ATXN10: variants seen among roughly 807,000 people sequenced by gnomAD.
ATXN10 encodes the protein ataxin-10.
A neutral mutation model predicts 52.9 loss-of-function variants in ATXN10; 28 were observed. The ratio of observed to expected loss-of-function variants is 0.53; its 90% CI spans 0.39 to 0.73. The LOEUF is 0.73. Ranked by LOEUF, ATXN10 falls within the 30% of genes least tolerant of loss-of-function variation. The pLI is 0.00. For synonymous variants in ATXN10, 226 were observed against 221.5 expected (o/e 1.02, Z -0.18); for missense variants, 565 against 577.0 (o/e 0.98, Z 0.21).
chr22:45,798,210 C>CT lies in ATXN10; in HGVS notation c.1174-8747dup, dbSNP rs1411995645. Among the ~76,000 whole-genome samples the CT allele has an allele frequency of 3.9e-5, 6 of 152,278 alleles. No individual in the cohort carries two copies. In the East Asian group the frequency reaches 1.2e-3, roughly 29 times the overall value. Reference sequence around the variant, plus strand: ...TCTGTTCCCAAATCCGGACAAAAACCTTAAAAGGGAACAAACAAAGTAACT... The same window carrying CT: ...TCTGTTCCCAAATCCGGACAAAAACCTTTAAAAGGGAACAAACAAAGTAACT... On this transcript the variant is annotated intron_variant, in intron 9 of 11. Transcript: ENST00000252934.
rs539182267 is a variant in ATXN10 at position 45,799,144 on chromosome 22, C to T, written c.1174-7815C>T. The stretch of plus-strand genomic sequence containing the variant: ...TACTCAGGCTGGTGTGATCTCAGCT[C>T]ACTGCAACCCCCGCCTCCCGGGTTC... On this transcript the variant is annotated intron_variant, in intron 9 of 11. Transcript: ENST00000252934. Among the ~76,000 whole-genome samples the T allele has an allele frequency of 2.6e-5, 4 of 151,710 alleles. No individual in the cohort carries two copies. In the East Asian group the frequency reaches 7.8e-4, roughly 29 times the overall value.
chr22:45,709,523 T>G lies in ATXN10; in HGVS notation c.647+6676T>G, dbSNP rs564439494. Among the ~76,000 whole-genome samples the G allele has an allele frequency of 6.6e-5, 10 of 152,310 alleles. No individual in the cohort carries two copies. In the South Asian group the frequency reaches 1.7e-3, roughly 25 times the overall value. ...TTTTTCTCCTGTGCTGGCTTTGTTG[T>G]AAGGCACATTTCCTGCTTCCTGTGT... On this transcript the variant is annotated intron_variant, in intron 5 of 11. Coordinates refer to ENST00000252934, the MANE Select transcript of ATXN10 (RefSeq NM_013236.4).
intron 3 of ATXN10, among the ~76,000 whole-genome samples, chr22:45,695,994 G>A (rs1923591828): frequency 6.6e-6 from 1 of 152,052 alleles, no homozygotes; most frequent in South Asian, 2.1e-4. Flanking sequence ...CTTGCTATTT[G>A]ATTTTGAAGT....
At chr22:45,697,538 C>T (rs1484677399) in intron 3 of ATXN10, among the ~76,000 whole-genome samples, 1 of 152,210 alleles carries the variant, frequency 6.6e-6, no homozygotes, top group Non-Finnish European at 1.5e-5. Flanking sequence ...CTCTGTAGAT[C>T]TACCTACTCT....
rs1928740614 is a variant in ATXN10 at position 45,824,068 on chromosome 22, T to C, written c.1237+17046T>C. Among the ~76,000 whole-genome samples, 1 of 152,202 alleles carries C rather than the reference T, an allele frequency of 6.6e-6. No individual in the cohort carries two copies. Among genetic ancestry groups the C allele is most frequent in the Non-Finnish European group, 1.5e-5 (1 of 68,032 alleles). ...ACATGGTGGTACAGTGGGTATGCAG[T>C]AAGTTCTGGAGCAGGGACTTACCTT... On this transcript the variant is annotated intron_variant, in intron 10 of 11. Coordinates refer to ENST00000252934, the MANE Select transcript of ATXN10 (RefSeq NM_013236.4). The surrounding 1 kb of genome is among the most constrained non-coding windows in gnomAD (Gnocchi z 5.2).
chr22:45,738,389 A>G, intron 7 of ATXN10: 1 of 204,298 alleles, frequency 4.9e-6, no homozygotes, highest in East Asian at 1.2e-4. Context: ...GTATTTGCAT[A>G]AATGTCATGT....
Position 45,784,825 on chromosome 22 carries a change from A to G in ATXN10, c.1174-22134A>G, listed in dbSNP as rs1393447481. ...TTAAACACCGTGGGCAAGCTGATCA[A>G]CAGTTTCCAGGGCATTATTTATTGA... On this transcript the variant is annotated intron_variant, in intron 9 of 11. Transcript: ENST00000252934. The surrounding 1 kb of genome is among the most constrained non-coding windows in gnomAD (Gnocchi z 4.2). Among the ~76,000 whole-genome samples, 4 of 152,240 alleles carry G rather than the reference A, an allele frequency of 2.6e-5. No homozygotes were observed. The highest frequency in any genetic ancestry group is 6.5e-5 in the Admixed American group (1 of 15,288).
At chr22:45,798,209 C>G (rs761093394) in intron 9 of ATXN10, among the ~76,000 whole-genome samples, 3 of 152,112 alleles carry the variant, frequency 2.0e-5, no homozygotes, top group Non-Finnish European at 4.4e-5. Flanking sequence ...CGGACAAAAA[C>G]CTTAAAAGGG....
chr22:45,834,953 A>G (rs1014162466), intron 10 of ATXN10, among the ~76,000 whole-genome samples: 6 of 152,148 alleles, frequency 3.9e-5, no homozygotes, highest in African/African-American at 1.4e-4. Context: ...TAGAAGTGGT[A>G]TTGGTTGTTT....
In ATXN10 at chr22:45,746,073, A is replaced by G. The variant is rs150399730; in HGVS notation, c.1173+5535A>G. On this transcript the variant is annotated intron_variant, in intron 9 of 11. Transcript: ENST00000252934. ...AATCATATATATTTTAGATTATAAG[A>G]ACATCTGTATTGTATAATATTTGCA... is the stretch of plus-strand genomic sequence containing the variant. Among the ~76,000 whole-genome samples the G allele has an allele frequency of 5.0e-4, 76 of 152,236 alleles. No homozygotes were observed. The East Asian group carries it at 0.014, about 28-fold the overall frequency.
Position 45,833,430 on chromosome 22 carries a change from C to G in ATXN10, c.1238-9561C>G, listed in dbSNP as rs540387679. The stretch of plus-strand genomic sequence containing the variant: ...CTGCTGGGTCTTGTCTGTTCTAAAT[C>G]GCCAGAAGCTCCACCCTGTTCATGT... On this transcript the variant is annotated intron_variant, in intron 10 of 11. Transcript: ENST00000252934. This position sits in a 1 kb window ranked among gnomAD's most constrained non-coding sequence, Gnocchi z 4.3. Among the ~76,000 whole-genome samples the G allele has an allele frequency of 1.3e-5, 2 of 152,166 alleles. No individual in the cohort carries two copies. Among genetic ancestry groups the G allele is most frequent in the African/African-American group, 4.8e-5 (2 of 41,436 alleles).
At position 45,824,212 on chromosome 22, in the gene ATXN10, C is replaced by T. The variant is rs1157378518; in HGVS notation, c.1237+17190C>T. On this transcript the variant is annotated intron_variant, in intron 10 of 11. Coordinates refer to ENST00000252934, the MANE Select transcript of ATXN10 (RefSeq NM_013236.4). This position sits in a 1 kb window ranked among gnomAD's most constrained non-coding sequence, Gnocchi z 5.2. ...TATCCCACACTGCCCCTGCAGCTCA[C>T]AGAGACCTGCACATACTGTTCCTCT... 1.3e-5 allele frequency among the ~76,000 whole-genome samples: 2 copies of T among 152,256 alleles called. No individual in the cohort carries two copies. The highest frequency in any genetic ancestry group is 3.9e-4 in the East Asian group (2 of 5,180).
At chr22:45,776,438 CCT>C (rs765073007) in intron 9 of ATXN10, among the ~76,000 whole-genome samples, 77 of 152,084 alleles carry the variant, frequency 5.1e-4, no homozygotes, top group East Asian at 3.7e-3. Flanking sequence ...AAAATTTTCC[CCT>C]CTCAGGAAAG....
chr22:45,796,380 T>G (rs1483837976), intron 9 of ATXN10, among the ~76,000 whole-genome samples: 4 of 152,226 alleles, frequency 2.6e-5, no homozygotes, highest in Admixed American at 2.6e-4. Flanking sequence ...AGTTTCGCCC[T>G]GGCCTTGTGA....
At chr22:45,700,421 G>T (rs1923797238) in intron 4 of ATXN10, 43 bp downstream of exon 4, 1 of 1,484,486 alleles carries the variant, frequency 6.7e-7, no homozygotes. Context: ...TGAGAAGATT[G>T]TGGCTATATT....
At chr22:45,738,507 C>T (rs2146800339) in intron 7 of ATXN10, 1 of 512,040 alleles carries the variant, frequency 2.0e-6, no homozygotes, top group East Asian at 3.4e-5. Context: ...GACACATAAT[C>T]TTGCATTCTT....
At chr22:45,748,151 C>T (rs1406935124) in intron 9 of ATXN10, among the ~76,000 whole-genome samples, 3 of 151,826 alleles carry the variant, frequency 2.0e-5, no homozygotes, top group African/African-American at 7.3e-5. Flanking sequence ...TGCACTCTAG[C>T]CTGGGCAACA....
intron 9 of ATXN10, among the ~76,000 whole-genome samples, chr22:45,771,475 G>A (rs1926776656): frequency 1.4e-5 from 2 of 142,170 alleles, no homozygotes; most frequent in African/African-American, 5.3e-5. Context: ...GGAGTGCAAT[G>A]ATGTGATCTT....
rs1222815964 is a variant in ATXN10 at position 45,790,724 on chromosome 22, C to A, written c.1174-16235C>A. On this transcript the variant is annotated intron_variant, in intron 9 of 11. Transcript: ENST00000252934. The surrounding 1 kb of genome is among the most constrained non-coding windows in gnomAD (Gnocchi z 4.7). ...CCAATCACAGTTTCTGTTCAAATAG[C>A]CACTGAAACATCTACTCTTTTCTAC... Among the ~76,000 whole-genome samples, 1 of 152,194 alleles carries A rather than the reference C, an allele frequency of 6.6e-6. No individual in the cohort carries two copies. Among genetic ancestry groups the A allele is most frequent in the Non-Finnish European group, 1.5e-5 (1 of 68,036 alleles).
Sources: allele counts gnomAD v4.1 joint callset (sites outside exome capture counted in the v4.1 genomes callset), GRCh38; gene constraint gnomAD v4.1.1; non-coding constraint Gnocchi (gnomAD v3.1); transcripts MANE v1.5; gene names NCBI Gene and HGNC (gene_info 2026-07-23, HGNC 2026-07-21).